SAMMSON: variants seen among roughly 807,000 people sequenced by gnomAD.
SAMMSON encodes survival associated mitochondrial melanoma specific oncogenic non-coding RNA, also known as long intergenic non-protein coding RNA 1212.
rs147145317 is a variant in SAMMSON at position 70,278,799 on chromosome 3, C to T, written n.675-12380C>T. On this transcript the variant is annotated intron_variant and non_coding_transcript_variant, in intron 6 of 9. Transcript: ENST00000642114. ...GGCCTTAACAAAGTCACTTATGTTT[C>T]CTATGCCTCAGATTCTTCTTCTATA... Among the ~76,000 whole-genome samples the T allele has an allele frequency of 2.1e-3, 327 of 152,108 alleles. 1 individual carries two copies. Among genetic ancestry groups the T allele is most frequent in the Non-Finnish European group, 3.7e-3 (252 of 67,982 alleles).
At chr3:70,407,666 C>T (rs1323825843) in intron 2 of SAMMSON, among the ~76,000 whole-genome samples, 1 of 152,220 alleles carries the variant, frequency 6.6e-6, no homozygotes, top group Non-Finnish European at 1.5e-5. Flanking sequence ...CAGGGTACAG[C>T]TTCGCTCCCA....
chr3:70,260,074 G>T (rs909421886), intron 6 of SAMMSON, among the ~76,000 whole-genome samples: 1 of 152,162 alleles, frequency 6.6e-6, no homozygotes, highest in African/African-American at 2.4e-5. Context: ...TGAGATTTGG[G>T]TGGGGACACA....
chr3:70,034,337 AAAAT>A (rs2067077521), intron 3 of SAMMSON, among the ~76,000 whole-genome samples: 1 of 152,224 alleles, frequency 6.6e-6, no homozygotes, highest in South Asian at 2.1e-4. Flanking sequence ...TATATTTAGT[AAAAT>A]AATTTGATGA....
intron 9 of SAMMSON, among the ~76,000 whole-genome samples, chr3:70,361,921 G>T (rs1702873937): frequency 1.3e-5 from 2 of 152,120 alleles, no homozygotes; most frequent in African/African-American, 4.8e-5. Flanking sequence ...GATACTACAG[G>T]ATTACCTAGA....
intron 7 of SAMMSON, among the ~76,000 whole-genome samples, chr3:70,296,805 A>ACAGT (rs1340546028): frequency 6.6e-6 from 1 of 152,030 alleles, no homozygotes; most frequent in Non-Finnish European, 1.5e-5. Flanking sequence ...TCTACTCTTC[A>ACAGT]GCCCACACTG....
chr3:70,365,430 G>A (rs1184008370), intron 9 of SAMMSON, among the ~76,000 whole-genome samples: 2 of 151,494 alleles, frequency 1.3e-5, no homozygotes, highest in Non-Finnish European at 3.0e-5. Context: ...GTCACAATCT[G>A]TACCTATATT....
chr3:70,276,289 T>A (rs1702025036), intron 6 of SAMMSON, among the ~76,000 whole-genome samples: 1 of 152,230 alleles, frequency 6.6e-6, no homozygotes, highest in Non-Finnish European at 1.5e-5. Flanking sequence ...CTTCCAATTT[T>A]ATATACTGTC....
At chr3:70,196,886 G>C (rs1002932362) in intron 4 of SAMMSON, 6 of 398,182 alleles carry the variant, frequency 1.5e-5, no homozygotes, top group Middle Eastern at 6.2e-4. Context: ...ATTTCCCACC[G>C]TGGCCAAAAG....
At chr3:70,151,031 T>C (rs986718401) in intron 4 of SAMMSON, among the ~76,000 whole-genome samples, 3 of 152,058 alleles carry the variant, frequency 2.0e-5, no homozygotes, top group African/African-American at 4.8e-5. Context: ...TTTTAAAATA[T>C]GTATTGTTTA....
chr3:70,086,996 C>T (rs891163150), intron 4 of SAMMSON, among the ~76,000 whole-genome samples: 3 of 152,140 alleles, frequency 2.0e-5, no homozygotes, highest in African/African-American at 2.4e-5. Context: ...ATACAGCCCG[C>T]GGCTGTTTGA....
intron 6 of SAMMSON, among the ~76,000 whole-genome samples, chr3:70,281,582 A>T (rs559635847): frequency 6.6e-6 from 1 of 152,152 alleles, no homozygotes; most frequent in Admixed American, 6.6e-5. Context: ...CAAACAAACA[A>T]ATTGCTCTAG....
intron 4 of SAMMSON, among the ~76,000 whole-genome samples, chr3:70,238,501 TA>T (rs1427164093): frequency 1.3e-5 from 2 of 152,020 alleles, no homozygotes; most frequent in Non-Finnish European, 2.9e-5. Flanking sequence ...TGGTCTCAGC[TA>T]CTTGGAAAGC....
chr3:70,369,071 G>C (rs967884885), intron 9 of SAMMSON, among the ~76,000 whole-genome samples: 1 of 151,314 alleles, frequency 6.6e-6, no homozygotes, highest in Non-Finnish European at 1.5e-5. Context: ...TATTTTGTTA[G>C]ATTTATACCT....
intron 4 of SAMMSON, among the ~76,000 whole-genome samples, chr3:70,105,386 A>C (rs2067363515): frequency 6.6e-6 from 1 of 152,178 alleles, no homozygotes; most frequent in Non-Finnish European, 1.5e-5. Flanking sequence ...GAGTTTATAT[A>C]TCAGTACTTT....
intron 8 of SAMMSON, among the ~76,000 whole-genome samples, chr3:70,356,692 T>G (rs1041717886): frequency 1.3e-5 from 2 of 152,126 alleles, no homozygotes; most frequent in Non-Finnish European, 2.9e-5. Flanking sequence ...ATCCTTTTTG[T>G]TTTTTTGTAG....
At chr3:70,351,940 A>C (rs1186994781) in intron 7 of SAMMSON, among the ~76,000 whole-genome samples, 1 of 152,096 alleles carries the variant, frequency 6.6e-6, no homozygotes, top group African/African-American at 2.4e-5. Context: ...AAATGATTTC[A>C]TCTGAACAAC....
chr3:70,152,747 G>C (rs2067576819), intron 4 of SAMMSON, among the ~76,000 whole-genome samples: 1 of 152,036 alleles, frequency 6.6e-6, no homozygotes, highest in Admixed American at 6.6e-5. Context: ...ACCCTTAGGG[G>C]AACCACAGTG....
intron 4 of SAMMSON, among the ~76,000 whole-genome samples, chr3:70,203,399 G>A (rs1328282683): frequency 6.6e-6 from 1 of 152,082 alleles, no homozygotes. Context: ...GTGATTGAAT[G>A]CCTTTCTCTA....
rs540480804 is a variant in SAMMSON at position 70,232,735 on chromosome 3, C to T, written n.508-16372C>T. On this transcript the variant is annotated intron_variant and non_coding_transcript_variant, in intron 4 of 9. Transcript: ENST00000642114. ...ATTAGTCACAATAATAATGTAAATA[C>T]GTATTGTTTTTACCAATAATAAATA... is the stretch of plus-strand genomic sequence containing the variant. 2.9e-4 allele frequency among the ~76,000 whole-genome samples: 44 copies of T among 152,156 alleles called. No homozygotes were observed. The East Asian group carries it at 4.6e-3, about 16-fold the overall frequency.
Sources: gnomAD v4.1 joint callset for allele counts (sites outside exome capture counted in the v4.1 genomes callset) on GRCh38, gnomAD v4.1.1 for gene constraint, MANE v1.5 for transcripts, NCBI Gene and HGNC (gene_info 2026-07-23, HGNC 2026-07-21) for gene names.